DPP10: variants seen among roughly 807,000 people sequenced by gnomAD.
DPP10 encodes the protein inactive dipeptidyl peptidase 10.
Under a neutral mutation model 120.9 loss-of-function variants are expected in DPP10, and 33 were observed. The ratio of observed to expected loss-of-function variants is 0.27; its 90% confidence interval spans 0.21 to 0.37. The LOEUF is 0.37. DPP10 is among the 10% of genes least tolerant of loss of function. The probability of loss-of-function intolerance (pLI) is 1.00; values close to 1 mark genes in which losing one functional copy is unlikely to be tolerated. For synonymous variants in DPP10, 337 were observed against 326.1 expected (o/e 1.03, Z -0.36); for missense variants, 816 against 942.8 (o/e 0.87, Z 1.76).
intron 7 of DPP10, among the ~76,000 whole-genome samples, chr2:115,695,840 G>A (rs2091555173): frequency 6.6e-6 from 1 of 152,066 alleles, no homozygotes; most frequent in African/African-American, 2.4e-5. Flanking sequence ...AAGAAATAAT[G>A]GAAGTCATGG....
rs113886445 is a variant in DPP10 at position 114,830,263 on chromosome 2, A to G, written c.60+387425A>G. ...GGCCATCGAGTACCCCCCTTACACT[A>G]TCTCCCATTCGTTTATCCCATCTAC... On this transcript the variant is annotated intron_variant, in intron 1 of 25. Transcript: ENST00000410059. 8.9e-3 allele frequency among the ~76,000 whole-genome samples: 1,349 copies of G among 151,534 alleles called. 20 individuals carry two copies. The highest frequency in any genetic ancestry group is 0.031 in the African/African-American group (1,264 of 41,314).
chr2:115,636,382 T>G (rs530824751), intron 5 of DPP10, among the ~76,000 whole-genome samples: 25 of 152,282 alleles, frequency 1.6e-4, no homozygotes, highest in African/African-American at 5.8e-4. Flanking sequence ...ACGTGACTAT[T>G]GATGAAATGT....
chr2:115,266,624 C>T (rs1427468749), intron 1 of DPP10, among the ~76,000 whole-genome samples: 1 of 152,064 alleles, frequency 6.6e-6, no homozygotes, highest in Non-Finnish European at 1.5e-5. Flanking sequence ...GCGTTTATCC[C>T]ATATGATTTT....
intron 1 of DPP10, among the ~76,000 whole-genome samples, chr2:115,225,880 C>T (rs756102831): frequency 1.3e-5 from 2 of 151,692 alleles, no homozygotes; most frequent in African/African-American, 2.4e-5. Flanking sequence ...AAGATGGACC[C>T]GGGGTTTTGT....
chr2:115,370,852 G>A (rs772340380), intron 3 of DPP10, among the ~76,000 whole-genome samples: 17 of 152,096 alleles, frequency 1.1e-4, no homozygotes, highest in Admixed American at 3.3e-4. Context: ...CTCGTTAAGC[G>A]CCAGGTGATG....
intron 1 of DPP10, among the ~76,000 whole-genome samples, chr2:115,224,351 A>G (rs1011017871): frequency 6.6e-6 from 1 of 152,196 alleles, no homozygotes; most frequent in East Asian, 1.9e-4. Context: ...AGAAATTGAA[A>G]TAAGATTTCT....
At chr2:114,997,523 A>G (rs1701174406) in intron 1 of DPP10, among the ~76,000 whole-genome samples, 1 of 150,244 alleles carries the variant, frequency 6.7e-6, no homozygotes, top group Non-Finnish European at 1.5e-5. Flanking sequence ...AAAAAAATTC[A>G]TACATGGAAT....
chr2:115,379,041 T>C (rs2066056701), intron 3 of DPP10, among the ~76,000 whole-genome samples: 1 of 152,240 alleles, frequency 6.6e-6, no homozygotes. Context: ...TGCCCGGCTT[T>C]GGTATCAGGA....
chr2:114,771,443 C>T (rs557685556), intron 1 of DPP10, among the ~76,000 whole-genome samples: 2 of 152,290 alleles, frequency 1.3e-5, no homozygotes, highest in Non-Finnish European at 2.9e-5. Context: ...GATTCGGCAA[C>T]GAGCATCACC....
chr2:115,032,721 A>G (rs1354145062), intron 1 of DPP10, among the ~76,000 whole-genome samples: 2 of 151,246 alleles, frequency 1.3e-5, no homozygotes, highest in Admixed American at 6.6e-5. Flanking sequence ...TATCTACTGA[A>G]AAAAAAAACA....
chr2:115,661,190 C>T (rs2088943027), intron 5 of DPP10, among the ~76,000 whole-genome samples: 1 of 152,104 alleles, frequency 6.6e-6, no homozygotes. Flanking sequence ...ACCTTGTGAT[C>T]CACCCGCCTC....
Position 115,045,643 on chromosome 2 carries a change from A to T in DPP10, c.61-263596A>T, listed in dbSNP as rs115757290. ...ATTTTCTTTCTGTGCCATGTGGTCCAGACCAGGGGACGGCGGAGGGATGGT... is the reference window on the plus strand; with the variant it reads ...ATTTTCTTTCTGTGCCATGTGGTCCTGACCAGGGGACGGCGGAGGGATGGT... On this transcript the variant is annotated intron_variant, in intron 1 of 25. Transcript: ENST00000410059. Among the ~76,000 whole-genome samples the T allele has an allele frequency of 5.2e-3, 799 of 152,320 alleles. 5 individuals carry two copies. Among genetic ancestry groups the T allele is most frequent in the Non-Finnish European group, 8.4e-3 (570 of 68,030 alleles).
chr2:115,472,370 A>G (rs572318089), intron 3 of DPP10, among the ~76,000 whole-genome samples: 3 of 152,348 alleles, frequency 2.0e-5, no homozygotes, highest in African/African-American at 7.2e-5. Context: ...TGCAATTTTT[A>G]AAAAATTTCA....
chr2:115,285,107 T>C (rs1037213910), intron 1 of DPP10, among the ~76,000 whole-genome samples: 2 of 152,050 alleles, frequency 1.3e-5, no homozygotes, highest in African/African-American at 4.8e-5. Flanking sequence ...TTAGGAATTC[T>C]GTGAATGAGA....
At chr2:115,360,116 A>G (rs1470636510) in intron 3 of DPP10, among the ~76,000 whole-genome samples, 1 of 152,112 alleles carries the variant, frequency 6.6e-6, no homozygotes, top group African/African-American at 2.4e-5. Flanking sequence ...CAGCCATTTC[A>G]ATTTGGTAAG....
intron 1 of DPP10, among the ~76,000 whole-genome samples, chr2:114,860,004 C>T (rs751074657): frequency 3.3e-5 from 5 of 152,208 alleles, no homozygotes; most frequent in Non-Finnish European, 7.3e-5. Context: ...GATACCTTTG[C>T]TACTGGTCCT....
At chr2:115,024,989 C>T (rs987542939) in intron 1 of DPP10, among the ~76,000 whole-genome samples, 2 of 151,190 alleles carry the variant, frequency 1.3e-5, no homozygotes, top group African/African-American at 2.4e-5. Flanking sequence ...TGATCTTTAA[C>T]ATATACATAT....
intron 1 of DPP10, among the ~76,000 whole-genome samples, chr2:115,184,221 C>T (rs909381561): frequency 1.3e-5 from 2 of 152,122 alleles, no homozygotes; most frequent in South Asian, 2.1e-4. Flanking sequence ...GTATTTTAAA[C>T]GTGTGTTCAG....
At chr2:115,448,566 TAAAGA>T (rs1041352392) in intron 3 of DPP10, among the ~76,000 whole-genome samples, 1 of 152,094 alleles carries the variant, frequency 6.6e-6, no homozygotes, top group African/African-American at 2.4e-5. Context: ...ACTTGCTATA[TAAAGA>T]AAAGTATTGC....
Sources: allele counts gnomAD v4.1 joint callset (sites outside exome capture counted in the v4.1 genomes callset), GRCh38; gene constraint gnomAD v4.1.1; transcripts MANE v1.5; gene names NCBI Gene and HGNC (gene_info 2026-07-23, HGNC 2026-07-21).